The following DSCAML1 variants were observed in gnomAD, a reference collection of about 807,000 sequenced individuals.
DSCAML1 encodes the protein cell adhesion molecule DSCAML1.
In DSCAML1, 38 loss-of-function variants were observed where a neutral mutation model predicts 200.5. The ratio of observed to expected loss-of-function variants is 0.19; its 90% confidence interval spans 0.15 to 0.25. The LOEUF (loss-of-function observed/expected upper bound fraction) is 0.25. Ranked by LOEUF, DSCAML1 falls within the 10% of genes least tolerant of loss-of-function variation. DSCAML1 has a pLI of 1.00. For missense variants in DSCAML1, 2,223 were observed against 2,858.8 expected (o/e 0.78, Z 5.07); for synonymous variants, 1,215 against 1,165.0 (o/e 1.04, Z -0.87).
intron 1 of DSCAML1, among the ~76,000 whole-genome samples, chr11:117,788,752 G>A (rs1041001168): frequency 3.9e-5 from 6 of 152,218 alleles, no homozygotes; most frequent in Non-Finnish European, 7.3e-5. Flanking sequence ...CCATTTTACA[G>A]ATAAGAAGAC....
intron 3 of DSCAML1, among the ~76,000 whole-genome samples, chr11:117,663,487 C>T (rs1038854255): frequency 1.3e-5 from 2 of 152,038 alleles, no homozygotes; most frequent in Non-Finnish European, 2.9e-5. Flanking sequence ...GGGCTAGAAT[C>T]CATGGCAGGA....
rs2049781369 is a variant in DSCAML1, at chr11:117,516,910, A to G, written c.1511-171T>C. Reference sequence around the variant, plus strand: ...GATGCCTTTTTACAAAGCTACAGACAGGGGCTGGAATTGGGGGGTGCCCAC... The same window carrying G: ...GATGCCTTTTTACAAAGCTACAGACGGGGGCTGGAATTGGGGGGTGCCCAC... On this transcript the variant is annotated intron_variant, in intron 7 of 32. Coordinates refer to ENST00000651296, the MANE Select transcript of DSCAML1 (RefSeq NM_020693.4). The surrounding 1 kb of genome is among the most constrained non-coding windows in gnomAD (Gnocchi z 5.7). Among the ~76,000 whole-genome samples, 1 of 152,120 alleles carries G rather than the reference A, an allele frequency of 6.6e-6. No homozygotes were observed. Among genetic ancestry groups the G allele is most frequent in the Admixed American group, 6.5e-5 (1 of 15,272 alleles).
At position 117,527,133 on chromosome 11, in the gene DSCAML1, T is replaced by C. The variant is rs1032243246; in HGVS notation, c.659-2050A>G. Among the ~76,000 whole-genome samples, 4 of 152,298 alleles carry C rather than the reference T, an allele frequency of 2.6e-5. No individual in the cohort carries two copies. In the South Asian group the frequency reaches 6.2e-4, roughly 24 times the overall value. ...GCTATGATTGTGCTACTGTACTCCA[T>C]CCTGGGCAACAGAGCAAGATCTTGT... On this transcript the variant is annotated intron_variant, in intron 4 of 32. Transcript: ENST00000651296.
At chr11:117,545,235 ACACACAC>A (rs1565779379) in intron 3 of DSCAML1, among the ~76,000 whole-genome samples, 1 of 133,290 alleles carries the variant, frequency 7.5e-6, no homozygotes, top group Non-Finnish European at 1.7e-5. Flanking sequence ...GTAAAAAAAA[ACACACAC>A]ACACACACAC....
At chr11:117,794,810 A>C (rs1352811042) in intron 1 of DSCAML1, among the ~76,000 whole-genome samples, 2 of 151,932 alleles carry the variant, frequency 1.3e-5, no homozygotes, top group African/African-American at 2.4e-5. Context: ...CTGGCACCTA[A>C]GACCCAATTA....
Position 117,720,794 on chromosome 11 carries a change from A to C in DSCAML1, c.511+55997T>G, listed in dbSNP as rs576302070. ...GAGGATTAAATGAGAGAATTCCTGC[A>C]AAGTGCTTAGCACAGTACCTGACAC... is the stretch of plus-strand genomic sequence containing the variant. On this transcript the variant is annotated intron_variant, in intron 3 of 32. Transcript: ENST00000651296. Among the ~76,000 whole-genome samples, 5 of 152,372 alleles carry C rather than the reference A, an allele frequency of 3.3e-5. No individual in the cohort carries two copies. The South Asian group carries it at 1.0e-3, about 32-fold the overall frequency.
At chr11:117,693,643 GC>G (rs2053536099) in intron 3 of DSCAML1, among the ~76,000 whole-genome samples, 1 of 152,106 alleles carries the variant, frequency 6.6e-6, no homozygotes. Context: ...TAAATTCTGG[GC>G]CCCGTGATGC....
rs781580901 is a variant in DSCAML1 at position 117,431,641 on chromosome 11, G to A, written c.5267C>T (p.Ser1756Phe). The A allele has an allele frequency of 2.9e-5, 47 of 1,613,356 alleles. No individual in the cohort carries two copies. Among genetic ancestry groups the A allele is most frequent in the Non-Finnish European group, 3.8e-5 (45 of 1,179,622 alleles). ...SQWTLTKCQA[S>F]TPARTLTSDW... Reference sequence around the variant, plus strand: ...GGAGGTGAGGGTGCGGGCAGGTGTGGAGGCCTGGCACTTGGTCAGGGTCCA... The same window carrying A: ...GGAGGTGAGGGTGCGGGCAGGTGTGAAGGCCTGGCACTTGGTCAGGGTCCA... The change falls in exon 31 of 33, where the codon TCC (serine) becomes TTC (phenylalanine). Residue 1756 changes from serine (S) to phenylalanine (F), a missense_variant. This residue lies in a region of DSCAML1 where 614 missense variants were observed against 739.1 expected (regional missense o/e 0.83). Coordinates refer to ENST00000651296, the MANE Select transcript of DSCAML1 (RefSeq NM_020693.4).
In DSCAML1 at chr11:117,533,908, T is replaced by C. The variant is rs1451093173; in HGVS notation, c.512-1386A>G. Reference sequence around the variant, plus strand: ...GAGAACACTGGGGTCCTCTGCCTCCTCTTTGGGGATTTCCCAGGCAGACCC... The same window carrying C: ...GAGAACACTGGGGTCCTCTGCCTCCCCTTTGGGGATTTCCCAGGCAGACCC... On this transcript the variant is annotated intron_variant, in intron 3 of 32. Coordinates refer to ENST00000651296, the MANE Select transcript of DSCAML1 (RefSeq NM_020693.4). Among the ~76,000 whole-genome samples, 3 of 152,170 alleles carry C rather than the reference T, an allele frequency of 2.0e-5. No homozygotes were observed. In the East Asian group the frequency reaches 5.8e-4, roughly 29 times the overall value.
chr11:117,552,639 A>C (rs1362179148), intron 3 of DSCAML1, among the ~76,000 whole-genome samples: 3 of 152,208 alleles, frequency 2.0e-5, no homozygotes, highest in Non-Finnish European at 4.4e-5. Flanking sequence ...TAATATATGC[A>C]AGAGGGTCCT....
Position 117,498,218 on chromosome 11 carries a change from C to A in DSCAML1, c.2359+5627G>T, listed in dbSNP as rs557521929. Among the ~76,000 whole-genome samples, 1 of 152,270 alleles carries A rather than the reference C, an allele frequency of 6.6e-6. No individual in the cohort carries two copies. The highest frequency in any genetic ancestry group is 2.1e-4 in the South Asian group (1 of 4,836). On this transcript the variant is annotated intron_variant, in intron 11 of 32. Transcript: ENST00000651296. This position sits in a 1 kb window ranked among gnomAD's most constrained non-coding sequence, Gnocchi z 4.0. ...ATCTTGGGCCAGTTGTTTGCCCTCT[C>A]TGGGGCCTCAGTTTGTCACCTGTGC... is the stretch of plus-strand genomic sequence containing the variant.
At chr11:117,813,303 ACTT>A (rs1394791377) in intron 1 of DSCAML1, among the ~76,000 whole-genome samples, 1 of 152,186 alleles carries the variant, frequency 6.6e-6, no homozygotes, top group Non-Finnish European at 1.5e-5. Flanking sequence ...CACCAGACCA[ACTT>A]CGACTGTGCC....
At chr11:117,521,437 T>A in intron 5 of DSCAML1, 32 bp from the exon 6 acceptor site, 12 of 1,600,654 alleles carry the variant, frequency 7.5e-6, no homozygotes, top group Non-Finnish European at 1.0e-5. Context: ...TGAGGGGAAA[T>A]GGGAGGGAGG....
At chr11:117,771,030 G>C (rs2055029022) in intron 3 of DSCAML1, among the ~76,000 whole-genome samples, 1 of 152,138 alleles carries the variant, frequency 6.6e-6, no homozygotes, top group East Asian at 1.9e-4. Flanking sequence ...TAAATGCAGA[G>C]GCTGAATGAC....
rs141076986 is a variant in DSCAML1 at position 117,676,363 on chromosome 11, C to T, written c.511+100428G>A. On this transcript the variant is annotated intron_variant, in intron 3 of 32. Transcript: ENST00000651296. ...TTGGACCAGGGCTAGGGAGATTCTT[C>T]TGCCATTCAACATCTCAACTGTACT... Among the ~76,000 whole-genome samples, 265 of 152,320 alleles carry T rather than the reference C, an allele frequency of 1.7e-3. 1 individual carries two copies. The highest frequency in any genetic ancestry group is 6.2e-3 in the African/African-American group (257 of 41,558).
chr11:117,570,466 T>C (rs768567322), intron 3 of DSCAML1, among the ~76,000 whole-genome samples: 1 of 152,222 alleles, frequency 6.6e-6, no homozygotes, highest in Non-Finnish European at 1.5e-5. Flanking sequence ...ATTTATTTTA[T>C]ACCTCCCTCT....
At chr11:117,434,702 C>T (rs561791) in intron 27 of DSCAML1, among the ~76,000 whole-genome samples, 34,919 of 152,150 alleles carry the variant, frequency 0.23, 4,304 homozygotes, top group Middle Eastern at 0.28. Context: ...TCTATACATC[C>T]TTCCATTCAA....
rs1382702726 is a variant in DSCAML1, at chr11:117,780,264, G to GAA, written c.364+227_364+228dup. 2.0e-4 allele frequency among the ~76,000 whole-genome samples: 18 copies of GAA among 91,990 alleles called. No individual in the cohort carries two copies. The highest frequency in any genetic ancestry group is 6.0e-4 in the African/African-American group (17 of 28,550). 60.3% of individuals were successfully genotyped at this position (91,990 alleles called of 152,430 possible). A position where few individuals can be genotyped will look rare whatever the true frequency, so the allele number is the denominator to read the frequency against. On this transcript the variant is annotated intron_variant, in intron 2 of 32. Coordinates refer to ENST00000651296, the MANE Select transcript of DSCAML1 (RefSeq NM_020693.4). The surrounding 1 kb of genome is among the most constrained non-coding windows in gnomAD (Gnocchi z 4.8). ...AGAAAGAAAGAAAGAAAGAAAGAAA[G>GAA]AAAGAAAGAAAGAAAGAAAGAAAGA...
chr11:117,738,218 A>T (rs1401815687), intron 3 of DSCAML1, among the ~76,000 whole-genome samples: 2 of 152,106 alleles, frequency 1.3e-5, no homozygotes, highest in Non-Finnish European at 2.9e-5. Flanking sequence ...ACATACTCTG[A>T]ACTCTTTTCT....
Sources: gnomAD v4.1 joint callset for allele counts (sites outside exome capture counted in the v4.1 genomes callset) on GRCh38, gnomAD v4.1.1 for gene constraint, gnomAD v4.1.1 regional missense constraint, Gnocchi (gnomAD v3.1) non-coding constraint, MANE v1.5 for transcripts, NCBI Gene and HGNC (gene_info 2026-07-23, HGNC 2026-07-21) for gene names.